The following PWWP3A variants were observed in gnomAD, a reference collection of about 807,000 sequenced individuals.
The protein encoded by PWWP3A is PWWP domain-containing DNA repair factor 3A.
A neutral mutation model predicts 79.0 loss-of-function variants in PWWP3A; 53 were observed. That is an observed-to-expected ratio of 0.67 (90% CI 0.54 to 0.84). PWWP3A has a LOEUF of 0.84. PWWP3A is among the 40% of genes least tolerant of loss of function. PWWP3A has a pLI of 0.00. For missense variants in PWWP3A, 973 were observed against 948.0 expected, an observed-to-expected ratio of 1.03 and a Z score of -0.35; for synonymous variants, 443 against 394.4, an observed-to-expected ratio of 1.12 and a Z score of -1.46.
In PWWP3A at chr19:1,369,551, T is replaced by G. The variant is rs776695543; in HGVS notation, c.1499-45T>G. ...GCCCCTGGAACACACTTCCTGGGAC[T>G]CCTCTTAGGTCTACACAGTGCTCTC... On this transcript the variant is annotated intron_variant, in intron 10 of 13. Coordinates refer to ENST00000591337, the MANE Select transcript of PWWP3A (RefSeq NM_001369789.1). This position sits in a 1 kb window ranked among gnomAD's most constrained non-coding sequence, Gnocchi z 4.0. The G allele has an allele frequency of 6.2e-6, 10 of 1,609,326 alleles. No individual in the cohort carries two copies. The highest frequency in any genetic ancestry group is 4.5e-5 in the East Asian group (2 of 44,868).
In PWWP3A at chr19:1,360,136, C is replaced by CAT; in HGVS notation, c.215_216insAT (p.Gln74HisfsTer26). On this transcript the variant is annotated frameshift_variant and splice_region_variant, in exon 5 of 14. Transcript: ENST00000591337. LOFTEE classifies it high-confidence loss of function. The surrounding 1 kb of genome is among the most constrained non-coding windows in gnomAD (Gnocchi z 4.4). The stretch of plus-strand genomic sequence containing the variant: ...CATTGTGTATGTTCGGTCCTTGCAG[C>CAT]CTCACAGAATGAGGTTCCTGCGGCA... 6.4e-7 allele frequency: 1 copy of CAT among 1,550,630 alleles called. No individual in the cohort carries two copies. The highest frequency in any genetic ancestry group is 2.3e-5 in the East Asian group (1 of 44,376).
chr19:1,357,338 C>T (rs1264476279), intron 3 of PWWP3A: 3 of 381,106 alleles, frequency 7.9e-6, no homozygotes, highest in Non-Finnish European at 4.7e-6. Flanking sequence ...GGTACAAACA[C>T]TGAATACATG....
chr19:1,372,130 CT>C (rs1211462276), intron 12 of PWWP3A: 1 of 152,190 alleles, frequency 6.6e-6, no homozygotes, highest in Non-Finnish European at 1.5e-5. Flanking sequence ...CCCATAAATA[CT>C]TCAGTGTGTG....
rs1171277130 is a variant in PWWP3A, at chr19:1,360,984, G to A, written c.1063G>A (p.Asp355Asn). 7 of 1,445,754 alleles carry A rather than the reference G, an allele frequency of 4.8e-6. No homozygotes were observed. Among genetic ancestry groups the A allele is most frequent in the Non-Finnish European group, 6.4e-6 (7 of 1,098,222 alleles). The allele number at this position is 1,445,754 out of a possible 1,614,324, so 89.6% of individuals were successfully genotyped here. ...CCCGCCTCCCTCCCACGCCTCTGCG[G>A]ATGCAACCAGATGTCTTCCTTGCCC... ...LGPPPSHASA[D>N]ATRCLPCPDS... The change falls in exon 5 of 14, where the codon GAT becomes AAT. Residue 355 changes from aspartate to asparagine, a missense_variant. Transcript: ENST00000591337. This position sits in a 1 kb window ranked among gnomAD's most constrained non-coding sequence, Gnocchi z 4.4.
chr19:1,371,402 G>A (rs2082257173), intron 12 of PWWP3A: 1 of 702,764 alleles, frequency 1.4e-6, no homozygotes, highest in East Asian at 2.7e-5. Flanking sequence ...TCAGTCCTGG[G>A]AAACCCACTG....
At position 1,377,052 on chromosome 19, in the gene PWWP3A, C is replaced by A. The variant is rs968568198; in HGVS notation, c.*476C>A. On this transcript the variant is annotated 3_prime_UTR_variant, in exon 14 of 14. Coordinates refer to ENST00000591337, the MANE Select transcript of PWWP3A (RefSeq NM_001369789.1). ...TGTGTGGTTTCCGCCTGCGACAGTT[C>A]CAGAATTTGCTCTCCCACTCAGTGT... is the stretch of plus-strand genomic sequence containing the variant. 1.3e-5 allele frequency: 2 copies of A among 152,780 alleles called. No individual in the cohort carries two copies. The highest frequency in any genetic ancestry group is 4.8e-5 in the African/African-American group (2 of 41,314). The allele number at this position is 152,780 out of a possible 1,614,324, so 9.5% of individuals were successfully genotyped here.
At chr19:1,372,947 T>G (rs2082293028) in intron 12 of PWWP3A, 125 bp from the exon 13 acceptor site, 9 of 694,762 alleles carry the variant, frequency 1.3e-5, no homozygotes, top group Middle Eastern at 3.9e-4. Flanking sequence ...TTCTGAACCA[T>G]GAGCTAGACC....
At chr19:1,365,160 C>T (rs919355005) in intron 7 of PWWP3A, among the ~76,000 whole-genome samples, 4 of 152,154 alleles carry the variant, frequency 2.6e-5, no homozygotes, top group Non-Finnish European at 5.9e-5. Context: ...GTGATTTGCT[C>T]ATTTTAAATA....
intron 4 of PWWP3A, 46 bp downstream of exon 4, chr19:1,358,510 A>T: frequency 6.2e-7 from 1 of 1,609,274 alleles, no homozygotes; most frequent in Non-Finnish European, 8.5e-7. Context: ...ATAAAATAAG[A>T]GGTCATTTGG....
In PWWP3A at chr19:1,369,175, C is replaced by A; in HGVS notation, c.1423-90C>A. On this transcript the variant is annotated intron_variant, in intron 9 of 13. Coordinates refer to ENST00000591337, the MANE Select transcript of PWWP3A (RefSeq NM_001369789.1). This position sits in a 1 kb window ranked among gnomAD's most constrained non-coding sequence, Gnocchi z 4.0. ...GCTGGAGCGTGAGCAGCCTGGACACCTGGCTGGTCCCTGGGCTCTGCGTGG... is the reference window on the plus strand; with the variant it reads ...GCTGGAGCGTGAGCAGCCTGGACACATGGCTGGTCCCTGGGCTCTGCGTGG... 1 of 1,233,918 alleles carries A rather than the reference C, an allele frequency of 8.1e-7. No homozygotes were observed. Among genetic ancestry groups the A allele is most frequent in the Non-Finnish European group, 1.2e-6 (1 of 848,890 alleles). 76.4% of individuals were successfully genotyped at this position (1,233,918 alleles called of 1,614,324 possible).
At chr19:1,366,548 C>T (rs949297121) in intron 8 of PWWP3A, among the ~76,000 whole-genome samples, 167 bp downstream of exon 8, 5 of 152,188 alleles carry the variant, frequency 3.3e-5, no homozygotes, top group Non-Finnish European at 7.3e-5. Context: ...TTCTTGTGGC[C>T]TCTCACTCCC....
In PWWP3A at chr19:1,360,653, G is replaced by A. The variant is rs1049640601; in HGVS notation, c.732G>A (p.Gly244=). 6.2e-7 allele frequency: 1 copy of A among 1,613,170 alleles called. No individual in the cohort carries two copies. Among genetic ancestry groups the A allele is most frequent in the African/African-American group, 1.3e-5 (1 of 74,926 alleles). ...AGGACGACACGGAGAGAGACATGGGGAGCAAAGGAGGCAGCTGGGCAGCCC... is the reference window on the plus strand; with the variant it reads ...AGGACGACACGGAGAGAGACATGGGAAGCAAAGGAGGCAGCTGGGCAGCCC... ...LSEDDTERDM[G]SKGGSWAAPS... The change falls in exon 5 of 14, where the codon GGG becomes GGA. Residue 244 remains glycine, a synonymous_variant. Transcript: ENST00000591337. This position sits in a 1 kb window ranked among gnomAD's most constrained non-coding sequence, Gnocchi z 4.4.
intron 7 of PWWP3A, 137 bp from the exon 8 acceptor site, chr19:1,366,168 T>A: frequency 1.3e-6 from 1 of 779,418 alleles, no homozygotes; most frequent in East Asian, 2.7e-5. Context: ...AGCGCCTCCT[T>A]GCGGGAGACT....
At chr19:1,371,267 G>A (rs1290617046) in intron 12 of PWWP3A, 189 bp downstream of exon 12, 11 of 754,748 alleles carry the variant, frequency 1.5e-5, no homozygotes, top group African/African-American at 3.4e-5. Context: ...GCTTGACCCT[G>A]TGCGGAGACG....
rs1007332743 is a variant in PWWP3A, at chr19:1,378,095, C to G, written c.*1519C>G. On this transcript the variant is annotated 3_prime_UTR_variant, in exon 14 of 14. Coordinates refer to ENST00000591337, the MANE Select transcript of PWWP3A (RefSeq NM_001369789.1). ...GCCCGCACGCTGGGGTCTGTCTTGT[C>G]TGGAGCAGTGGGGCACACCCCGGAG... The G allele has an allele frequency of 2.0e-5, 3 of 152,254 alleles. No homozygotes were observed. Among genetic ancestry groups the G allele is most frequent in the Non-Finnish European group, 4.4e-5 (3 of 68,084 alleles). 9.4% of individuals were successfully genotyped at this position (152,254 alleles called of 1,614,324 possible).
chr19:1,357,172 A>G (rs1269778291), intron 3 of PWWP3A, 78 bp downstream of exon 3: 1 of 1,077,050 alleles, frequency 9.3e-7, no homozygotes, highest in Admixed American at 2.3e-5. Context: ...CCCCCAAAAC[A>G]GTTGAAGCCC....
Position 1,360,722 on chromosome 19 carries a change from C to CGATCCCTGT in PWWP3A, c.802_803insATCCCTGTG (p.Asn267_Ala268insAspProCys), listed in dbSNP as rs765938539. 11 of 1,613,274 alleles carry CGATCCCTGT rather than the reference C, an allele frequency of 6.8e-6. No individual in the cohort carries two copies. Among genetic ancestry groups the CGATCCCTGT allele is most frequent in the Non-Finnish European group, 5.9e-6 (7 of 1,179,882 alleles). On this transcript the variant is annotated inframe_insertion, in exon 5 of 14. Transcript: ENST00000591337. This position sits in a 1 kb window ranked among gnomAD's most constrained non-coding sequence, Gnocchi z 4.4. ...TCAGGGAGGACGATCCCTGTGCCAA[C>CGATCCCTGT]GCTGAGGGACACGACCCCGGTCTGC...
chr19:1,367,632 G>A (rs138702444), intron 9 of PWWP3A, among the ~76,000 whole-genome samples: 2 of 152,288 alleles, frequency 1.3e-5, no homozygotes, highest in African/African-American at 4.8e-5. Context: ...GCTCAGCGTC[G>A]GGAGCCCTGT....
At chr19:1,367,446 G>A (rs143451173) in intron 9 of PWWP3A, among the ~76,000 whole-genome samples, 1 of 152,222 alleles carries the variant, frequency 6.6e-6, no homozygotes, top group African/African-American at 2.4e-5. Flanking sequence ...CCATTTCCCC[G>A]CTTTACGGGT....
Sources: allele counts gnomAD v4.1 joint callset (sites outside exome capture counted in the v4.1 genomes callset), GRCh38; gene constraint gnomAD v4.1.1; non-coding constraint Gnocchi (gnomAD v3.1); transcripts MANE v1.5; gene names NCBI Gene and HGNC (gene_info 2026-07-23, HGNC 2026-07-21).